Variants in COTL1 observed in about 807,000 individuals in gnomAD.
COTL1 encodes coactosin like F-actin binding protein 1.
Under a neutral mutation model 16.5 loss-of-function variants are expected in COTL1, and 15 were observed. The ratio of observed to expected loss-of-function variants is 0.91; its 90% confidence interval spans 0.61 to 1.40. The LOEUF is 1.40. Among genes scored for constraint, COTL1 ranks in the 40% most tolerant of loss-of-function variants. The pLI is 0.00. For missense variants in COTL1, 220 were observed against 201.5 expected (o/e 1.09, Z -0.56); for synonymous variants, 112 against 85.3 (o/e 1.31, Z -1.73).
At chr16:84,614,257 G>T (rs1027761719) in intron 2 of COTL1, among the ~76,000 whole-genome samples, 1 of 152,230 alleles carries the variant, frequency 6.6e-6, no homozygotes, top group Admixed American at 6.5e-5. Flanking sequence ...GGTAGCGGAG[G>T]GGCAGGCAGC....
intron 3 of COTL1, among the ~76,000 whole-genome samples, chr16:84,588,232 A>G (rs1381951572): frequency 6.6e-6 from 1 of 151,602 alleles, no homozygotes. Context: ...AATAATAATA[A>G]TAATAATAAT....
chr16:84,577,519 A>T (rs1020375390), intron 3 of COTL1, among the ~76,000 whole-genome samples: 1 of 152,234 alleles, frequency 6.6e-6, no homozygotes, highest in African/African-American at 2.4e-5. Context: ...TGCTGGGATT[A>T]CAGGCACGAG....
At chr16:84,610,901 C>A (rs567739692) in intron 2 of COTL1, among the ~76,000 whole-genome samples, 2 of 152,100 alleles carry the variant, frequency 1.3e-5, no homozygotes, top group African/African-American at 4.8e-5. Context: ...CATGAAGAAG[C>A]CTTTTCTGGT....
chr16:84,566,816 G>T lies in COTL1; in HGVS notation c.*29C>A. On this transcript the variant is annotated 3_prime_UTR_variant, in exon 4 of 4. Transcript: ENST00000262428. ...CCCCGGGGAGCAGGCAGATGACTTT[G>T]GCAAGGGGTGGTGTGGCGGGGGCTG... 6.7e-7 allele frequency: 1 copy of T among 1,502,316 alleles called. No individual in the cohort carries two copies. The highest frequency in any genetic ancestry group is 9.3e-7 in the Non-Finnish European group (1 of 1,079,246). The allele number at this position is 1,502,316 out of a possible 1,614,324, so 93.1% of individuals were successfully genotyped here.
chr16:84,603,842 A>G (rs1905153149), intron 2 of COTL1, among the ~76,000 whole-genome samples: 1 of 151,992 alleles, frequency 6.6e-6, no homozygotes, highest in Admixed American at 6.5e-5. Context: ...CTAGGAGGAC[A>G]TGAAACAAAA....
rs1904835013 is a variant in COTL1, at chr16:84,590,382, G to A, written c.161-120C>T. 4 of 1,183,112 alleles carry A rather than the reference G, an allele frequency of 3.4e-6. No individual in the cohort carries two copies. Among genetic ancestry groups the A allele is most frequent in the Non-Finnish European group, 3.6e-6 (3 of 842,586 alleles). The allele number at this position is 1,183,112 out of a possible 1,614,324, so 73.3% of individuals were successfully genotyped here. A position where few individuals can be genotyped will look rare whatever the true frequency, so the allele number is the denominator to read the frequency against. ...AGCAGCACAGCAGGAGACCGGTGCAGTTCCCTGGGAGCACCATGTGCAGAG... is the reference window on the plus strand; with the variant it reads ...AGCAGCACAGCAGGAGACCGGTGCAATTCCCTGGGAGCACCATGTGCAGAG... On this transcript the variant is annotated intron_variant, in intron 2 of 3. Coordinates refer to ENST00000262428, the MANE Select transcript of COTL1 (RefSeq NM_021149.5). This position sits in a 1 kb window ranked among gnomAD's most constrained non-coding sequence, Gnocchi z 5.5.
chr16:84,587,465 A>C (rs1286460643), intron 3 of COTL1, among the ~76,000 whole-genome samples: 1 of 152,218 alleles, frequency 6.6e-6, no homozygotes, highest in Non-Finnish European at 1.5e-5. Context: ...AACATTCTTT[A>C]TAAAAATAAA....
At chr16:84,614,980 A>G (rs1191921644) in intron 2 of COTL1, among the ~76,000 whole-genome samples, 2 of 152,136 alleles carry the variant, frequency 1.3e-5, no homozygotes, top group African/African-American at 2.4e-5. Flanking sequence ...CCGTTTCCTC[A>G]TCTGTAGAAT....
intron 3 of COTL1, among the ~76,000 whole-genome samples, chr16:84,580,080 A>G (rs880764): frequency 0.16 from 23,754 of 152,236 alleles, 2,143 homozygotes; most frequent in South Asian, 0.28. Flanking sequence ...GGCAGGTACC[A>G]GGCTAGGGCA....
intron 2 of COTL1, among the ~76,000 whole-genome samples, chr16:84,598,182 CAG>C (rs901702617): frequency 2.6e-5 from 4 of 152,160 alleles, no homozygotes; most frequent in Admixed American, 6.5e-5. Flanking sequence ...CCTTCCCACC[CAG>C]AGAGAGTCTT....
intron 3 of COTL1, among the ~76,000 whole-genome samples, chr16:84,571,892 G>T (rs116667529): frequency 0.017 from 2,542 of 152,282 alleles, 70 homozygotes; most frequent in African/African-American, 0.057. Context: ...TGGTCAGGCC[G>T]CATGGAGGGG....
intron 3 of COTL1, among the ~76,000 whole-genome samples, chr16:84,571,791 C>A (rs552739516): frequency 6.6e-6 from 1 of 152,314 alleles, no homozygotes; most frequent in South Asian, 2.1e-4. Flanking sequence ...AGTTCCCTTG[C>A]AGCCAGAGCT....
rs1004867605 is a variant in COTL1, at chr16:84,590,576, A to C, written c.161-314T>G. On this transcript the variant is annotated intron_variant, in intron 2 of 3. Coordinates refer to ENST00000262428, the MANE Select transcript of COTL1 (RefSeq NM_021149.5). This position sits in a 1 kb window ranked among gnomAD's most constrained non-coding sequence, Gnocchi z 5.5. ...CAAGGTCATGCTGGGATTTAAACCCAGGCCTTTCTGGCTGCAACGCCTACA... is the reference window on the plus strand; with the variant it reads ...CAAGGTCATGCTGGGATTTAAACCCCGGCCTTTCTGGCTGCAACGCCTACA... 3 of 217,654 alleles carry C rather than the reference A, an allele frequency of 1.4e-5. No homozygotes were observed. The highest frequency in any genetic ancestry group is 4.6e-5 in the African/African-American group (2 of 43,838). The allele number at this position is 217,654 out of a possible 1,614,324, so 13.5% of individuals were successfully genotyped here. A position where few individuals can be genotyped will look rare whatever the true frequency, so the allele number is the denominator to read the frequency against.
intron 3 of COTL1, among the ~76,000 whole-genome samples, chr16:84,588,790 G>A (rs1904793148): frequency 6.6e-6 from 1 of 150,510 alleles, no homozygotes; most frequent in Non-Finnish European, 1.5e-5. Flanking sequence ...GTGCTGAGAT[G>A]ACAGGTGTGA....
chr16:84,607,208 A>C (rs1326858979), intron 2 of COTL1, among the ~76,000 whole-genome samples: 2 of 152,200 alleles, frequency 1.3e-5, no homozygotes, highest in African/African-American at 4.8e-5. Flanking sequence ...CAAGGAGGGC[A>C]TCCGAGCAGA....
At chr16:84,581,145 A>G (rs1904580473) in intron 3 of COTL1, among the ~76,000 whole-genome samples, 1 of 23,048 alleles carries the variant, frequency 4.3e-5, no homozygotes, top group Non-Finnish European at 1.5e-4. Flanking sequence ...CCATCTAAAA[A>G]CAAACAAACA....
chr16:84,585,501 T>C (rs1291597550), intron 3 of COTL1, among the ~76,000 whole-genome samples: 2 of 152,212 alleles, frequency 1.3e-5, no homozygotes, highest in Non-Finnish European at 2.9e-5. Flanking sequence ...GGTTTATTAA[T>C]ACAGTAATCT....
At chr16:84,603,416 G>A (rs1358469441) in intron 2 of COTL1, among the ~76,000 whole-genome samples, 6 of 152,140 alleles carry the variant, frequency 3.9e-5, no homozygotes, top group East Asian at 3.9e-4. Flanking sequence ...GGTACAACAC[G>A]GCGTCACAGC....
intron 2 of COTL1, among the ~76,000 whole-genome samples, chr16:84,603,966 G>A (rs1490590661): frequency 2.3e-4 from 5 of 22,150 alleles, no homozygotes; most frequent in East Asian, 1.2e-3. Flanking sequence ...CTTTCTACCC[G>A]CCACTCCCCA....
Sources: gnomAD v4.1 joint callset for allele counts (sites outside exome capture counted in the v4.1 genomes callset) on GRCh38, gnomAD v4.1.1 for gene constraint, Gnocchi (gnomAD v3.1) non-coding constraint, MANE v1.5 for transcripts, NCBI Gene and HGNC (gene_info 2026-07-23, HGNC 2026-07-21) for gene names.